The following ATCAY variants were observed in gnomAD, a reference collection of about 807,000 sequenced individuals.
ATCAY encodes caytaxin.
Under a neutral mutation model 47.7 loss-of-function variants are expected in ATCAY, and 22 were observed. That is an observed-to-expected ratio of 0.46 (90% CI 0.33 to 0.66). The LOEUF (loss-of-function observed/expected upper bound fraction) is 0.66, where lower values mean the gene tolerates loss of function less well. ATCAY is among the 30% of genes least tolerant of loss of function. ATCAY has a pLI of 0.02. For synonymous variants in ATCAY, 216 were observed against 207.6 expected (o/e 1.04, Z -0.35); for missense variants, 452 against 515.0 (o/e 0.88, Z 1.18).
At chr19:3,904,732 G>A (rs1363316176) in intron 3 of ATCAY, among the ~76,000 whole-genome samples, 3 of 152,140 alleles carry the variant, frequency 2.0e-5, no homozygotes, top group Non-Finnish European at 4.4e-5. Context: ...TATTATCCAG[G>A]TGGCCTGACA....
chr19:3,892,783 C>G (rs953253829), intron 2 of ATCAY, among the ~76,000 whole-genome samples: 1 of 152,018 alleles, frequency 6.6e-6, no homozygotes, highest in African/African-American at 2.4e-5. Flanking sequence ...TGGCGGGCAC[C>G]TGTAATCCCA....
At chr19:3,902,644 A>G in intron 3 of ATCAY, 99 bp downstream of exon 3, 1 of 1,303,582 alleles carries the variant, frequency 7.7e-7, no homozygotes, top group Non-Finnish European at 1.1e-6. Flanking sequence ...GAGGCCACAC[A>G]CCGTGGGTAG....
intron 1 of ATCAY, among the ~76,000 whole-genome samples, chr19:3,885,452 G>A (rs1264092747): frequency 1.3e-5 from 2 of 152,044 alleles, no homozygotes; most frequent in African/African-American, 4.8e-5. Flanking sequence ...TACTTGGGAG[G>A]CTGAGGCGGG....
At chr19:3,884,270 G>A (rs2038627803) in intron 1 of ATCAY, among the ~76,000 whole-genome samples, 1 of 150,422 alleles carries the variant, frequency 6.6e-6, no homozygotes, top group South Asian at 2.1e-4. Flanking sequence ...CTGGGCGACA[G>A]AGCAAGACCC....
In ATCAY at chr19:3,926,662, G is replaced by C. The variant is rs561341623; in HGVS notation, c.*2070G>C. 6.6e-6 allele frequency: 1 copy of C among 152,210 alleles called. No homozygotes were observed. Among genetic ancestry groups the C allele is most frequent in the Non-Finnish European group, 1.5e-5 (1 of 68,092 alleles). The allele number at this position is 152,210 out of a possible 1,614,324, so 9.4% of individuals were successfully genotyped here. A position where few individuals can be genotyped will look rare whatever the true frequency, so the allele number is the denominator to read the frequency against. On this transcript the variant is annotated 3_prime_UTR_variant, in exon 13 of 13. Coordinates refer to ENST00000450849, the MANE Select transcript of ATCAY (RefSeq NM_033064.5). ...TTTGCCCTGTGGGACAGGGTCCTGC[G>C]CGAGTCCCATCCCCAAAAGCCAGCA... is the stretch of plus-strand genomic sequence containing the variant.
chr19:3,887,114 C>T (rs890937173), intron 2 of ATCAY, among the ~76,000 whole-genome samples: 4 of 151,924 alleles, frequency 2.6e-5, no homozygotes, highest in Non-Finnish European at 4.4e-5. Context: ...GGCATACAGT[C>T]GGCGCTTAAC....
Position 3,905,465 on chromosome 19 carries a change from G to T in ATCAY, c.168G>T (p.Ala56=), listed in dbSNP as rs1396330338. The T allele has an allele frequency of 1.2e-6, 2 of 1,613,004 alleles. No individual in the cohort carries two copies. The highest frequency in any genetic ancestry group is 1.3e-5 in the African/African-American group (1 of 74,908). ...SPPNTLNFNG[A]HRKRKTLVAP... ...CCAACACGCTAAATTTCAACGGAGCGCATCGTAAGAGGAAGACGCTGGTGG... is the reference window on the plus strand; with the variant it reads ...CCAACACGCTAAATTTCAACGGAGCTCATCGTAAGAGGAAGACGCTGGTGG... The change falls in exon 4 of 13, where the codon GCG becomes GCT. Residue 56 remains alanine, a synonymous_variant. Coordinates refer to ENST00000450849, the MANE Select transcript of ATCAY (RefSeq NM_033064.5).
At chr19:3,895,148 C>G (rs11085046) in intron 2 of ATCAY, 4 of 456,076 alleles carry the variant, frequency 8.8e-6, no homozygotes, top group Non-Finnish European at 1.3e-5. Flanking sequence ...TTTGCACAAT[C>G]CTGGGAACCA....
chr19:3,913,825 G>C lies in ATCAY; in HGVS notation c.934G>C (p.Glu312Gln). The C allele has an allele frequency of 6.2e-7, 1 of 1,613,796 alleles. No homozygotes were observed. The highest frequency in any genetic ancestry group is 8.5e-7 in the Non-Finnish European group (1 of 1,179,858). ...LEDLEQLIPM[E>Q]HVQIPDCVLQ... ...AGACCTGGAGCAACTCATCCCTATGGAACACGTCCAGATCCCAGACTGCGT... is the reference window on the plus strand; with the variant it reads ...AGACCTGGAGCAACTCATCCCTATGCAACACGTCCAGATCCCAGACTGCGT... Residue 312 changes from glutamate (E) to glutamine (Q), a missense_variant, in exon 9 of 13, where the codon GAA becomes CAA. Glu to Gln is a conservative substitution (Grantham distance 29, BLOSUM62 2). Coordinates refer to ENST00000450849, the MANE Select transcript of ATCAY (RefSeq NM_033064.5).
chr19:3,895,372 AC>A lies in ATCAY; in HGVS notation c.78-7112del, dbSNP rs1011891027. Among the ~76,000 whole-genome samples the A allele has an allele frequency of 1.3e-5, 2 of 150,444 alleles. 1 individual carries two copies. Among genetic ancestry groups the A allele is most frequent in the African/African-American group, 4.9e-5 (2 of 40,764 alleles). Reference sequence around the variant, plus strand: ...TGGGGTTACAGGCATGCACCACCACACCCAGCTAATTTTTGTATTTTTAGTA... The same window carrying A: ...TGGGGTTACAGGCATGCACCACCACACCAGCTAATTTTTGTATTTTTAGTA... On this transcript the variant is annotated intron_variant, in intron 2 of 12. Coordinates refer to ENST00000450849, the MANE Select transcript of ATCAY (RefSeq NM_033064.5).
At chr19:3,917,584 C>CAAAAAAAAAA (rs71166940) in intron 9 of ATCAY, among the ~76,000 whole-genome samples, 158 bp from the exon 10 acceptor site, 13 of 40,828 alleles carry the variant, frequency 3.2e-4, no homozygotes, top group African/African-American at 6.3e-4. Context: ...GACTCCATCT[C>CAAAAAAAAAA]AAAAAAAAAA....
intron 2 of ATCAY, among the ~76,000 whole-genome samples, chr19:3,889,551 ACCACCGCACT>A (rs899215281): frequency 1.3e-5 from 2 of 152,190 alleles, no homozygotes; most frequent in African/African-American, 2.4e-5. Flanking sequence ...CTATGATCAC[ACCACCGCACT>A]CCAGCCTGGA....
chr19:3,906,304 GTT>G (rs59261448), intron 4 of ATCAY, among the ~76,000 whole-genome samples: 9 of 135,264 alleles, frequency 6.7e-5, no homozygotes, highest in Admixed American at 2.3e-4. Context: ...TCCTGCGACT[GTT>G]TTTTTTTTTT....
At chr19:3,888,609 A>C (rs1414733651) in intron 2 of ATCAY, among the ~76,000 whole-genome samples, 1 of 152,022 alleles carries the variant, frequency 6.6e-6, no homozygotes, top group Admixed American at 6.6e-5. Flanking sequence ...CAGCCCGGGC[A>C]GTAGAGTGAG....
chr19:3,907,124 A>C lies in ATCAY; in HGVS notation c.359-610A>C, dbSNP rs1439767584. 7.2e-6 allele frequency among the ~76,000 whole-genome samples: 1 copy of C among 138,706 alleles called. No individual in the cohort carries two copies. The highest frequency in any genetic ancestry group is 2.6e-5 in the African/African-American group (1 of 38,012). 91.0% of individuals were successfully genotyped at this position (138,706 alleles called of 152,430 possible). On this transcript the variant is annotated intron_variant, in intron 4 of 12. Coordinates refer to ENST00000450849, the MANE Select transcript of ATCAY (RefSeq NM_033064.5). The surrounding 1 kb of genome is among the most constrained non-coding windows in gnomAD (Gnocchi z 5.1). ...ACTCCAGCCTGGGCGATGGAACAAG[A>C]CTCTCTCAAAAAAAAAAAAGAAAGA...
intron 8 of ATCAY, among the ~76,000 whole-genome samples, chr19:3,911,505 CAG>C (rs1279406466): frequency 6.6e-6 from 1 of 151,750 alleles, no homozygotes; most frequent in East Asian, 1.9e-4. Context: ...GCCTGGGAGA[CAG>C]AGCAAAACAA....
At position 3,918,554 on chromosome 19, in the gene ATCAY, C is replaced by CAAA. The variant is rs762114179; in HGVS notation, c.1002-243_1002-241dup. ...TGGGCAACAGAGCAAGATCCTGTCT[C>CAAA]AAAAAAAAAAACAAAAAAAAACAGC... is the stretch of plus-strand genomic sequence containing the variant. On this transcript the variant is annotated intron_variant, in intron 10 of 12. Coordinates refer to ENST00000450849, the MANE Select transcript of ATCAY (RefSeq NM_033064.5). Among the ~76,000 whole-genome samples the CAAA allele has an allele frequency of 6.1e-3, 875 of 142,974 alleles. 3 individuals are homozygous for CAAA. The highest frequency in any genetic ancestry group is 0.019 in the African/African-American group (732 of 38,370). 93.8% of individuals were successfully genotyped at this position (142,974 alleles called of 152,430 possible).
At chr19:3,906,167 T>C (rs1255030126) in intron 4 of ATCAY, among the ~76,000 whole-genome samples, 5 of 122,506 alleles carry the variant, frequency 4.1e-5, no homozygotes, top group African/African-American at 1.6e-4. Context: ...CGAGACTCCG[T>C]CTCAAAAAAA....
intron 12 of ATCAY, chr19:3,922,272 C>T: frequency 1.4e-6 from 1 of 690,052 alleles, no homozygotes; most frequent in Non-Finnish European, 2.6e-6. Flanking sequence ...ATACCCAAGA[C>T]CGGGTAAATT....
Sources: gnomAD v4.1 joint callset for allele counts (sites outside exome capture counted in the v4.1 genomes callset) on GRCh38, gnomAD v4.1.1 for gene constraint, Gnocchi (gnomAD v3.1) non-coding constraint, MANE v1.5 for transcripts, NCBI Gene and HGNC (gene_info 2026-07-23, HGNC 2026-07-21) for gene names.